OSBPL8: variants seen among roughly 807,000 people sequenced by gnomAD.
OSBPL8 encodes the protein oxysterol-binding protein-related protein 8.
OSBPL8 carries 59 observed loss-of-function variants against 125.5 expected under a neutral mutation model. That is an observed-to-expected ratio of 0.47 (90% confidence interval 0.38 to 0.58). The LOEUF is 0.58. Ranked by LOEUF, OSBPL8 falls within the 20% of genes least tolerant of loss-of-function variation. The pLI, the probability that OSBPL8 is intolerant of heterozygous loss-of-function variation, is 0.00. For synonymous variants in OSBPL8, 330 were observed against 338.9 expected, an observed-to-expected ratio of 0.97 and a Z score of 0.29; for missense variants, 758 against 1,047.8, an observed-to-expected ratio of 0.72 and a Z score of 3.82.
Position 76,394,673 on chromosome 12 carries a change from C to A in OSBPL8, c.729G>T (p.Leu243Phe). 2.5e-6 allele frequency: 4 copies of A among 1,612,504 alleles called. No homozygotes were observed. The South Asian group carries it at 4.4e-5, about 18-fold the overall frequency. ...SITQPLPSSY[L>F]IIRATSESDG... ...CTGACTCTGAAGTAGCTCGGATGAT[C>A]AAATAACTGCTAGGTAAGGGTTGAG... Residue 243 changes from leucine (L) to phenylalanine (F), a missense_variant, in exon 9 of 24, where the codon TTG becomes TTT. By Grantham distance (22) the Leu-to-Phe change is conservative (BLOSUM62 0). Transcript: ENST00000261183.
chr12:76,509,151 T>C (rs1375985543), intron 1 of OSBPL8, among the ~76,000 whole-genome samples: 3 of 152,168 alleles, frequency 2.0e-5, no homozygotes, highest in Non-Finnish European at 2.9e-5. Context: ...AGAAATACCA[T>C]TGTATTACAA....
chr12:76,428,483 C>G (rs1164104207), intron 4 of OSBPL8, among the ~76,000 whole-genome samples: 4 of 152,050 alleles, frequency 2.6e-5, no homozygotes, highest in Middle Eastern at 3.2e-3. Flanking sequence ...CTATAAAATT[C>G]TATGTGCACA....
At chr12:76,541,045 C>T (rs189264304) in intron 1 of OSBPL8, among the ~76,000 whole-genome samples, 250 of 152,286 alleles carry the variant, frequency 1.6e-3, no homozygotes, top group African/African-American at 5.7e-3. Context: ...ATCTTTCATA[C>T]CAACGGCTAC....
chr12:76,444,711 G>C (rs1429180369), intron 4 of OSBPL8, among the ~76,000 whole-genome samples: 2 of 152,156 alleles, frequency 1.3e-5, no homozygotes, highest in Non-Finnish European at 1.5e-5. Flanking sequence ...TGCTACATCA[G>C]ACACACTTGG....
rs1304750497 is a variant in OSBPL8, at chr12:76,437,747, G to A, written c.217+13104C>T. Among the ~76,000 whole-genome samples, 18 of 152,248 alleles carry A rather than the reference G, an allele frequency of 1.2e-4. No individual in the cohort carries two copies. In the East Asian group the frequency reaches 3.5e-3, roughly 29 times the overall value. On this transcript the variant is annotated intron_variant, in intron 4 of 23. Transcript: ENST00000261183. ...ACCTATAAAATCAATGAGAAGTGATGTCACACTGGAAAAATGTTGAATTTT... is the reference window on the plus strand; with the variant it reads ...ACCTATAAAATCAATGAGAAGTGATATCACACTGGAAAAATGTTGAATTTT...
intron 14 of OSBPL8, among the ~76,000 whole-genome samples, chr12:76,385,762 G>A (rs925495319): frequency 5.3e-5 from 8 of 152,052 alleles, no homozygotes; most frequent in Non-Finnish European, 8.8e-5. Context: ...GACTACTGTG[G>A]AGAACTAGAA....
At chr12:76,364,803 G>C (rs1952352625) in intron 21 of OSBPL8, among the ~76,000 whole-genome samples, 1 of 152,112 alleles carries the variant, frequency 6.6e-6, no homozygotes, top group East Asian at 1.9e-4. Context: ...CGAAAAGTGA[G>C]AGTCCTCTTT....
chr12:76,365,526 C>CTA (rs1157243291), intron 21 of OSBPL8, among the ~76,000 whole-genome samples: 1 of 152,106 alleles, frequency 6.6e-6, no homozygotes, highest in Non-Finnish European at 1.5e-5. Flanking sequence ...TTGGGATTTT[C>CTA]TATATATAGG....
At chr12:76,356,162 T>TGGGGGGGGGGTGTAGGGGGGGG in intron 23 of OSBPL8, 141 bp from the exon 24 acceptor site, 1 of 131,274 alleles carries the variant, frequency 7.6e-6, no homozygotes, top group South Asian at 1.1e-4. Context: ...TATGTAGGGG[T>TGGGGGGGGGGTGTAGGGGGGGG]GGGGGGGGGC....
At chr12:76,547,840 A>G (rs1950823175) in intron 1 of OSBPL8, among the ~76,000 whole-genome samples, 2 of 152,210 alleles carry the variant, frequency 1.3e-5, no homozygotes, top group South Asian at 2.1e-4. Flanking sequence ...CAAGATAATC[A>G]TAACAACATG....
intron 2 of OSBPL8, among the ~76,000 whole-genome samples, chr12:76,484,527 G>A (rs1760221049): frequency 6.6e-6 from 1 of 152,276 alleles, no homozygotes; most frequent in East Asian, 1.9e-4. Context: ...GCACTTCATA[G>A]ACATATTTTC....
chr12:76,450,715 A>ACAAACAAACAAACCCCCTT, intron 4 of OSBPL8, 136 bp downstream of exon 4: 1 of 848,402 alleles, frequency 1.2e-6, no homozygotes, highest in South Asian at 1.9e-5. Flanking sequence ...ACCTAAACAA[A>ACAAACAAACAAACCCCCTT]ACAAACAAAA....
chr12:76,527,300 A>G (rs1353994468), intron 1 of OSBPL8, among the ~76,000 whole-genome samples: 1 of 152,202 alleles, frequency 6.6e-6, no homozygotes, highest in African/African-American at 2.4e-5. Flanking sequence ...CAACCAATCA[A>G]TAAAGTACAT....
chr12:76,538,711 G>A (rs995786303), intron 1 of OSBPL8, among the ~76,000 whole-genome samples: 7 of 152,070 alleles, frequency 4.6e-5, no homozygotes, highest in Non-Finnish European at 7.4e-5. Flanking sequence ...ACTTTGGGAG[G>A]CCAAGGCAGG....
chr12:76,548,401 G>A (rs934936621), intron 1 of OSBPL8, among the ~76,000 whole-genome samples: 1 of 152,016 alleles, frequency 6.6e-6, no homozygotes, highest in South Asian at 2.1e-4. Context: ...AGCAGAGGGT[G>A]GAAATAAATA....
chr12:76,519,647 T>TC (rs1881877946), intron 1 of OSBPL8, among the ~76,000 whole-genome samples: 1 of 152,174 alleles, frequency 6.6e-6, no homozygotes, highest in Non-Finnish European at 1.5e-5. Context: ...TGGCTCATGG[T>TC]CCCGCAGGCT....
At chr12:76,484,453 T>C (rs1028963319) in intron 2 of OSBPL8, among the ~76,000 whole-genome samples, 2 of 152,228 alleles carry the variant, frequency 1.3e-5, no homozygotes, top group African/African-American at 2.4e-5. Context: ...TTAATAGTTA[T>C]AATAACAATA....
chr12:76,432,711 G>A (rs1392760101), intron 4 of OSBPL8, among the ~76,000 whole-genome samples: 1 of 151,924 alleles, frequency 6.6e-6, no homozygotes, highest in Non-Finnish European at 1.5e-5. Context: ...ATAAATAAAA[G>A]GGAGAATAGA....
At chr12:76,371,166 T>C (rs1193616056) in intron 19 of OSBPL8, 1 of 215,930 alleles carries the variant, frequency 4.6e-6, no homozygotes. Context: ...ATTAGTCCTG[T>C]AATCTTATTT....
Sources: gnomAD v4.1 joint callset for allele counts (sites outside exome capture counted in the v4.1 genomes callset) on GRCh38, gnomAD v4.1.1 for gene constraint, MANE v1.5 for transcripts, NCBI Gene and HGNC (gene_info 2026-07-23, HGNC 2026-07-21) for gene names.